Variants in NXPH1 observed in about 807,000 individuals in gnomAD.
NXPH1 encodes neurexophilin 1.
In NXPH1, 5 loss-of-function variants were observed where a neutral mutation model predicts 23.7. That is an observed-to-expected ratio of 0.21 (90% CI 0.11 to 0.44). The LOEUF (loss-of-function observed/expected upper bound fraction) is 0.44, where lower values mean the gene tolerates loss of function less well. Among genes scored for constraint, NXPH1 ranks in the 20% least tolerant of loss-of-function variants. The probability of loss-of-function intolerance (pLI) is 0.99; values close to 1 mark genes in which losing one functional copy is unlikely to be tolerated. For synonymous variants in NXPH1, 144 were observed against 122.2 expected, an observed-to-expected ratio of 1.18 and a Z score of -1.18; for missense variants, 324 against 321.6, an observed-to-expected ratio of 1.01 and a Z score of -0.06.
At chr7:8,563,812 C>T (rs898987429) in intron 2 of NXPH1, among the ~76,000 whole-genome samples, 1 of 151,742 alleles carries the variant, frequency 6.6e-6, no homozygotes, top group Admixed American at 6.6e-5. Context: ...TTTGGGAATG[C>T]CACTTATTGT....
intron 2 of NXPH1, among the ~76,000 whole-genome samples, chr7:8,516,440 T>A (rs1817689169): frequency 6.6e-6 from 1 of 152,168 alleles, no homozygotes; most frequent in Non-Finnish European, 1.5e-5. Context: ...ACAGTGAGCA[T>A]CAAATGATGA....
At chr7:8,595,797 G>A (rs10226358) in intron 2 of NXPH1, among the ~76,000 whole-genome samples, 4 of 151,722 alleles carry the variant, frequency 2.6e-5, no homozygotes, top group African/African-American at 4.8e-5. Context: ...GTTTCTTTCC[G>A]TAATGAAAGG....
At chr7:8,568,631 A>C (rs1259288886) in intron 2 of NXPH1, among the ~76,000 whole-genome samples, 1 of 143,848 alleles carries the variant, frequency 7.0e-6, no homozygotes, top group Non-Finnish European at 1.5e-5. Context: ...GCATAAAAGA[A>C]AGTTTTCATT....
chr7:8,691,727 C>T (rs995828752), intron 2 of NXPH1, among the ~76,000 whole-genome samples: 1 of 152,074 alleles, frequency 6.6e-6, no homozygotes, highest in Non-Finnish European at 1.5e-5. Flanking sequence ...CCAGATGTTC[C>T]AGGCATAGGG....
At chr7:8,710,269 A>G (rs1416804980) in intron 2 of NXPH1, among the ~76,000 whole-genome samples, 1 of 152,134 alleles carries the variant, frequency 6.6e-6, no homozygotes, top group African/African-American at 2.4e-5. Context: ...ACACTGTTCA[A>G]CCTGATTTTC....
chr7:8,702,309 C>T (rs878861047), intron 2 of NXPH1, among the ~76,000 whole-genome samples: 3 of 151,880 alleles, frequency 2.0e-5, no homozygotes, highest in African/African-American at 7.3e-5. Flanking sequence ...CACACTGTAC[C>T]CCATAAATAT....
At chr7:8,558,242 C>T (rs1231602086) in intron 2 of NXPH1, among the ~76,000 whole-genome samples, 1 of 151,446 alleles carries the variant, frequency 6.6e-6, no homozygotes, top group Non-Finnish European at 1.5e-5. Flanking sequence ...TTTTCGGTGA[C>T]ACATTTTATC....
intron 2 of NXPH1, among the ~76,000 whole-genome samples, chr7:8,588,334 C>T (rs1468851563): frequency 2.0e-5 from 3 of 152,024 alleles, no homozygotes; most frequent in Non-Finnish European, 2.9e-5. Context: ...TATTAAATGA[C>T]ACTATGGATG....
chr7:8,544,984 A>AATGG (rs1383607520), intron 2 of NXPH1, among the ~76,000 whole-genome samples: 1 of 151,574 alleles, frequency 6.6e-6, no homozygotes, highest in Non-Finnish European at 1.5e-5. Context: ...ATAGTTTCTT[A>AATGG]ATGGATATCT....
intron 2 of NXPH1, among the ~76,000 whole-genome samples, chr7:8,687,279 G>A (rs535007982): frequency 1.3e-5 from 2 of 152,138 alleles, no homozygotes; most frequent in African/African-American, 2.4e-5. Flanking sequence ...AGCTTTTGGA[G>A]GTGAGTGAGA....
chr7:8,695,699 G>A lies in NXPH1; in HGVS notation c.55-55309G>A, dbSNP rs372521229. Among the ~76,000 whole-genome samples the A allele has an allele frequency of 2.2e-4, 34 of 152,144 alleles. No homozygotes were observed. In the South Asian group the frequency reaches 6.0e-3, roughly 27 times the overall value. ...TAAGTATTTTGTGCCATAGTTAAAC[G>A]TTTACTACCATTGACAAGAACTGTC... On this transcript the variant is annotated intron_variant, in intron 2 of 2. Transcript: ENST00000405863.
At chr7:8,565,721 C>T (rs184431430) in intron 2 of NXPH1, among the ~76,000 whole-genome samples, 2 of 151,814 alleles carry the variant, frequency 1.3e-5, no homozygotes, top group African/African-American at 2.4e-5. Flanking sequence ...TAGGTGCCCT[C>T]ACAACATATT....
rs778768846 is a variant in NXPH1 at position 8,524,745 on chromosome 7, C to T, written c.54+88978C>T. ...GTCTCATGAGATCTGATGGGTTTATCAGGGGTTTCCACTTTTGCTTCATCC... is the reference window on the plus strand; with the variant it reads ...GTCTCATGAGATCTGATGGGTTTATTAGGGGTTTCCACTTTTGCTTCATCC... On this transcript the variant is annotated intron_variant, in intron 2 of 2. Transcript: ENST00000405863. Among the ~76,000 whole-genome samples the T allele has an allele frequency of 6.6e-5, 10 of 152,130 alleles. 1 individual carries two copies. Among genetic ancestry groups the T allele is most frequent in the Admixed American group, 3.3e-4 (5 of 15,276 alleles).
At chr7:8,691,707 C>A (rs1464176749) in intron 2 of NXPH1, among the ~76,000 whole-genome samples, 2 of 152,076 alleles carry the variant, frequency 1.3e-5, no homozygotes, top group Non-Finnish European at 2.9e-5. Flanking sequence ...CTTTTTAAGT[C>A]CTGTTATCAC....
rs537606144 is a variant in NXPH1, at chr7:8,507,320, A to T, written c.54+71553A>T. On this transcript the variant is annotated intron_variant, in intron 2 of 2. Transcript: ENST00000405863. ...TTTGAAGGTGAAGGGGTAGATCATG[A>T]GTGAAACAGAAGCAAAGCATTTACA... Among the ~76,000 whole-genome samples the T allele has an allele frequency of 3.3e-5, 5 of 151,810 alleles. No individual in the cohort carries two copies. In the South Asian group the frequency reaches 8.3e-4, roughly 25 times the overall value.
chr7:8,684,923 C>T (rs536216071), intron 2 of NXPH1, among the ~76,000 whole-genome samples: 4 of 152,010 alleles, frequency 2.6e-5, no homozygotes, highest in African/African-American at 9.7e-5. Flanking sequence ...GTAGATGATC[C>T]AGGATGTGTT....
intron 2 of NXPH1, among the ~76,000 whole-genome samples, chr7:8,678,425 G>A (rs1021433159): frequency 1.3e-5 from 2 of 151,962 alleles, no homozygotes; most frequent in Non-Finnish European, 1.5e-5. Flanking sequence ...ACATCTCTTG[G>A]GGTCTGTGGG....
intron 2 of NXPH1, among the ~76,000 whole-genome samples, chr7:8,513,462 A>G (rs1335095321): frequency 6.6e-6 from 1 of 152,172 alleles, no homozygotes; most frequent in East Asian, 1.9e-4. Flanking sequence ...TTGCAGAAAT[A>G]TTAAAGTGTT....
At chr7:8,665,912 C>G (rs201364367) in intron 2 of NXPH1, among the ~76,000 whole-genome samples, 7,016 of 28,616 alleles carry the variant, frequency 0.25, 488 homozygotes, top group East Asian at 0.54. Context: ...GTTTTTTTTT[C>G]TTTTTCTTTT....
Sources: allele counts gnomAD v4.1 joint callset (sites outside exome capture counted in the v4.1 genomes callset), GRCh38; gene constraint gnomAD v4.1.1; transcripts MANE v1.5; gene names NCBI Gene and HGNC (gene_info 2026-07-23, HGNC 2026-07-21).